NALF1: variants seen among roughly 807,000 people sequenced by gnomAD.
The protein encoded by NALF1 is NALCN channel auxiliary factor 1.
NALF1 carries 3 observed loss-of-function variants against 48.4 expected under a neutral mutation model. The ratio of observed to expected loss-of-function variants is 0.06; its 90% confidence interval spans 0.03 to 0.16. The LOEUF is 0.16. Among genes scored for constraint, NALF1 ranks in the 10% least tolerant of loss-of-function variants. NALF1 has a pLI of 1.00. For synonymous variants in NALF1, 262 were observed against 245.7 expected (o/e 1.07, Z -0.62); for missense variants, 526 against 571.5 (o/e 0.92, Z 0.81).
intron 1 of NALF1, among the ~76,000 whole-genome samples, chr13:107,566,893 C>T (rs930658382): frequency 1.5e-4 from 23 of 152,100 alleles, no homozygotes; most frequent in Non-Finnish European, 1.5e-4. Context: ...CTGCCCAACA[C>T]GGATATATTA....
intron 1 of NALF1, among the ~76,000 whole-genome samples, chr13:107,286,126 C>A (rs1881488344): frequency 6.6e-6 from 1 of 152,120 alleles, no homozygotes; most frequent in Non-Finnish European, 1.5e-5. Flanking sequence ...TGTTGAAAGT[C>A]ATAGAAAAAG....
intron 1 of NALF1, among the ~76,000 whole-genome samples, chr13:107,411,309 T>G (rs1883986842): frequency 7.0e-6 from 1 of 142,134 alleles, no homozygotes; most frequent in Non-Finnish European, 1.6e-5. Context: ...TTGTTTTTTT[T>G]TTTTTTTTTA....
At chr13:107,704,745 A>G (rs959625413) in intron 1 of NALF1, among the ~76,000 whole-genome samples, 5 of 152,182 alleles carry the variant, frequency 3.3e-5, no homozygotes, top group African/African-American at 1.2e-4. Context: ...TTCAGTGTGT[A>G]GAATATGATA....
chr13:107,370,785 C>T (rs564305849), intron 1 of NALF1, among the ~76,000 whole-genome samples: 145 of 152,188 alleles, frequency 9.5e-4, no homozygotes, highest in African/African-American at 3.3e-3. Context: ...GCTGGGGAGG[C>T]CTAAGGAAAC....
At chr13:107,396,095 C>G (rs937424668) in intron 1 of NALF1, among the ~76,000 whole-genome samples, 1 of 152,078 alleles carries the variant, frequency 6.6e-6, no homozygotes, top group Non-Finnish European at 1.5e-5. Flanking sequence ...ATGTCTGGTA[C>G]GAGCTCTTTA....
chr13:107,457,392 T>C (rs996806943), intron 1 of NALF1, among the ~76,000 whole-genome samples: 3 of 152,138 alleles, frequency 2.0e-5, no homozygotes, highest in East Asian at 1.9e-4. Context: ...TAGGTAATAT[T>C]GGCCTCAATC....
At position 107,816,802 on chromosome 13, in the gene NALF1, C is replaced by A. The variant is rs11840875; in HGVS notation, c.915+48880G>T. Reference sequence around the variant, plus strand: ...AATTATGTTGAATTTTCTTTTCATGCGGAGTGTGTCCACCTGATTCGTAGA... The same window carrying A: ...AATTATGTTGAATTTTCTTTTCATGAGGAGTGTGTCCACCTGATTCGTAGA... On this transcript the variant is annotated intron_variant, in intron 1 of 2. Coordinates refer to ENST00000375915, the MANE Select transcript of NALF1 (RefSeq NM_001080396.3). Among the ~76,000 whole-genome samples the A allele has an allele frequency of 6.6e-5, 10 of 152,142 alleles. No homozygotes were observed. In the South Asian group the frequency reaches 1.5e-3, roughly 22 times the overall value.
chr13:107,769,883 T>A (rs1334163600), intron 1 of NALF1, among the ~76,000 whole-genome samples: 1 of 151,882 alleles, frequency 6.6e-6, no homozygotes, highest in African/African-American at 2.4e-5. Flanking sequence ...TATCTCAAAC[T>A]TCAAAATTCA....
chr13:107,827,653 G>A (rs1879561255), intron 1 of NALF1, among the ~76,000 whole-genome samples: 1 of 152,072 alleles, frequency 6.6e-6, no homozygotes, highest in Non-Finnish European at 1.5e-5. Flanking sequence ...ATTTTTGTTT[G>A]TTTTTATATT....
intron 1 of NALF1, among the ~76,000 whole-genome samples, chr13:107,352,759 A>G (rs535968051): frequency 2.2e-4 from 34 of 152,162 alleles, no homozygotes; most frequent in African/African-American, 8.0e-4. Context: ...CTGCTTCACA[A>G]TGAAGGTTCT....
intron 1 of NALF1, among the ~76,000 whole-genome samples, chr13:107,539,245 A>G (rs571982330): frequency 6.6e-6 from 1 of 152,086 alleles, no homozygotes; most frequent in African/African-American, 2.4e-5. Context: ...TGGCATCAGC[A>G]TCTGGTGAGG....
intron 2 of NALF1, among the ~76,000 whole-genome samples, chr13:107,199,880 C>T (rs1428733139): frequency 4.6e-5 from 7 of 152,272 alleles, no homozygotes; most frequent in South Asian, 2.1e-4. Flanking sequence ...CACCCGTGGG[C>T]GGGAGCATTG....
chr13:107,186,400 G>T (rs993471847), intron 2 of NALF1, among the ~76,000 whole-genome samples: 2 of 151,870 alleles, frequency 1.3e-5, no homozygotes, highest in Non-Finnish European at 2.9e-5. Context: ...ACAGAGTCTC[G>T]CTCTGTCGCC....
At position 107,667,104 on chromosome 13, in the gene NALF1, T is replaced by C. The variant is rs545615973; in HGVS notation, c.915+198578A>G. On this transcript the variant is annotated intron_variant, in intron 1 of 2. Coordinates refer to ENST00000375915, the MANE Select transcript of NALF1 (RefSeq NM_001080396.3). ...TTTTTTAGATTTTTATAGTTTCATC[T>C]TGATCCCAATTCTCCTTCCACCTAA... is the stretch of plus-strand genomic sequence containing the variant. Among the ~76,000 whole-genome samples, 14 of 152,228 alleles carry C rather than the reference T, an allele frequency of 9.2e-5. No individual in the cohort carries two copies. In the South Asian group the frequency reaches 2.3e-3, roughly 25 times the overall value.
chr13:107,608,157 C>T lies in NALF1; in HGVS notation c.915+257525G>A, dbSNP rs542145512. 5.3e-5 allele frequency among the ~76,000 whole-genome samples: 8 copies of T among 152,248 alleles called. No individual in the cohort carries two copies. In the South Asian group the frequency reaches 1.4e-3, roughly 28 times the overall value. On this transcript the variant is annotated intron_variant, in intron 1 of 2. Transcript: ENST00000375915. ...ACAGAATGTGTTGGAAGTAACGTTA[C>T]GTGGCACCTGAGATTAGGTCATTAG...
chr13:107,172,106 C>T (rs1878818526), intron 2 of NALF1, among the ~76,000 whole-genome samples: 1 of 152,310 alleles, frequency 6.6e-6, no homozygotes, highest in South Asian at 2.1e-4. Context: ...GTATCACTCG[C>T]CAAGCTACTG....
intron 1 of NALF1, among the ~76,000 whole-genome samples, chr13:107,701,361 C>G (rs1881813633): frequency 6.6e-6 from 1 of 152,102 alleles, no homozygotes; most frequent in Non-Finnish European, 1.5e-5. Flanking sequence ...AGATATTTGC[C>G]ACACATGACT....
intron 1 of NALF1, among the ~76,000 whole-genome samples, chr13:107,607,254 C>T (rs1428305726): frequency 6.6e-6 from 1 of 151,980 alleles, no homozygotes; most frequent in Non-Finnish European, 1.5e-5. Flanking sequence ...CATAGTAAAA[C>T]ATTAGGAATT....
At chr13:107,329,234 C>G (rs535910474) in intron 1 of NALF1, among the ~76,000 whole-genome samples, 1 of 152,094 alleles carries the variant, frequency 6.6e-6, no homozygotes, top group Non-Finnish European at 1.5e-5. Context: ...TTTAGAAGAG[C>G]ACAAAGAATG....
Sources: gnomAD v4.1 joint callset for allele counts (sites outside exome capture counted in the v4.1 genomes callset) on GRCh38, gnomAD v4.1.1 for gene constraint, MANE v1.5 for transcripts, NCBI Gene and HGNC (gene_info 2026-07-23, HGNC 2026-07-21) for gene names.